The following HIPK2 variants were observed in gnomAD, a reference collection of about 807,000 sequenced individuals.
HIPK2 encodes homeodomain-interacting protein kinase 2.
A neutral mutation model predicts 113.7 loss-of-function variants in HIPK2; 27 were observed. The ratio of observed to expected loss-of-function variants is 0.24; its 90% CI spans 0.17 to 0.33. The LOEUF (loss-of-function observed/expected upper bound fraction) is 0.33, where lower values mean the gene tolerates loss of function less well. HIPK2 is among the 10% of genes least tolerant of loss of function. The pLI is 1.00. For missense variants in HIPK2, 1,257 were observed against 1,588.0 expected (o/e 0.79, Z 3.54); for synonymous variants, 631 against 642.2 (o/e 0.98, Z 0.26).
intron 12 of HIPK2, among the ~76,000 whole-genome samples, chr7:139,592,881 A>C (rs909802499): frequency 2.6e-5 from 4 of 152,262 alleles, no homozygotes; most frequent in Admixed American, 6.5e-5. Context: ...AGAGTCCCCT[A>C]GTCCAACAGT....
chr7:139,649,887 C>T (rs947572368), intron 2 of HIPK2, among the ~76,000 whole-genome samples: 2 of 152,102 alleles, frequency 1.3e-5, no homozygotes, highest in African/African-American at 4.8e-5. Flanking sequence ...TGGAAGCAGA[C>T]AGGGGTAAGC....
intron 2 of HIPK2, among the ~76,000 whole-genome samples, chr7:139,682,437 T>G (rs1195384376): frequency 6.6e-6 from 1 of 152,166 alleles, no homozygotes; most frequent in Non-Finnish European, 1.5e-5. Flanking sequence ...TTGAGGCACC[T>G]AGGACAGAGA....
chr7:139,607,772 G>T (rs1799669900), intron 9 of HIPK2, among the ~76,000 whole-genome samples: 1 of 152,018 alleles, frequency 6.6e-6, no homozygotes, highest in African/African-American at 2.4e-5. Context: ...GAACAGGAGA[G>T]AAATTGTGTG....
At chr7:139,736,040 G>A (rs1374722306) in intron 1 of HIPK2, among the ~76,000 whole-genome samples, 4 of 152,168 alleles carry the variant, frequency 2.6e-5, no homozygotes, top group African/African-American at 9.7e-5. Flanking sequence ...TTGGTGCCTA[G>A]TTTCGATTTT....
intron 2 of HIPK2, among the ~76,000 whole-genome samples, chr7:139,671,144 G>A (rs1345331763): frequency 6.6e-6 from 1 of 151,786 alleles, no homozygotes; most frequent in Non-Finnish European, 1.5e-5. Context: ...CTCCACAACT[G>A]GAAACAATGA....
chr7:139,697,201 C>T (rs1274375116), intron 2 of HIPK2, among the ~76,000 whole-genome samples: 2 of 152,222 alleles, frequency 1.3e-5, no homozygotes, highest in African/African-American at 4.8e-5. Context: ...GCTGTGCACA[C>T]TACACCTGTT....
rs575892062 is a variant in HIPK2, at chr7:139,582,391, G to C, written c.2965+1426C>G. ...CGAGAGAGCACAGCGCGAGCTGCGT[G>C]CTGCTTGTGTGTCTTTCTCGCTGTA... On this transcript the variant is annotated intron_variant, in intron 13 of 14. Transcript: ENST00000406875. Among the ~76,000 whole-genome samples, 170 of 152,340 alleles carry C rather than the reference G, an allele frequency of 1.1e-3. 1 individual carries two copies. The Middle Eastern group carries it at 0.014, about 12-fold the overall frequency.
intron 14 of HIPK2, among the ~76,000 whole-genome samples, chr7:139,574,447 C>T (rs895357006): frequency 1.3e-5 from 2 of 152,210 alleles, no homozygotes; most frequent in African/African-American, 4.8e-5. Context: ...TAGCCCTCTT[C>T]TACCTGGTGA....
intron 2 of HIPK2, among the ~76,000 whole-genome samples, chr7:139,677,193 G>T (rs927783853): frequency 6.7e-6 from 1 of 149,296 alleles, no homozygotes; most frequent in Non-Finnish European, 1.5e-5. Flanking sequence ...GGATGTGTGT[G>T]TATGTGTGTG....
intron 2 of HIPK2, among the ~76,000 whole-genome samples, chr7:139,713,115 G>A (rs992166154): frequency 6.6e-6 from 1 of 152,144 alleles, no homozygotes; most frequent in Non-Finnish European, 1.5e-5. Flanking sequence ...GGGTCCTTCA[G>A]AGGGATGTGG....
intron 2 of HIPK2, among the ~76,000 whole-genome samples, chr7:139,694,351 T>TCAGAGTGATTTCTGTCTAATTTTCTGC (rs1554445810): frequency 6.6e-6 from 1 of 152,190 alleles, no homozygotes; most frequent in Non-Finnish European, 1.5e-5. Context: ...AGCCCAGTGA[T>TCAGAGTGATTTCTGTCTAATTTTCTGC]AGATACCCAT....
At chr7:139,639,214 G>A (rs995633093) in intron 2 of HIPK2, among the ~76,000 whole-genome samples, 9 of 152,152 alleles carry the variant, frequency 5.9e-5, no homozygotes, top group Admixed American at 5.9e-4. Context: ...CCCCTGCTCT[G>A]CTAGTCTATA....
chr7:139,677,225 G>A (rs1378859516), intron 2 of HIPK2, among the ~76,000 whole-genome samples: 1 of 148,118 alleles, frequency 6.8e-6, no homozygotes, highest in Non-Finnish European at 1.5e-5. Context: ...AGAGAGAGAG[G>A]GGCTGATATT....
chr7:139,584,158 A>C (rs1313832122), intron 12 of HIPK2, 94 bp from the exon 13 acceptor site: 1 of 1,484,386 alleles, frequency 6.7e-7, no homozygotes, highest in Non-Finnish European at 9.0e-7. Context: ...GGAGGGAGGC[A>C]GAGGGGAGAG....
At position 139,562,934 on chromosome 7, in the gene HIPK2, T is replaced by C. The variant is rs1367395848; in HGVS notation, c.*9993A>G. Reference sequence around the variant, plus strand: ...AATTCTGCTGCCCCAAAGTATGACTTTCTTGTCTATTTCATTTGGTTAAAA... The same window carrying C: ...AATTCTGCTGCCCCAAAGTATGACTCTCTTGTCTATTTCATTTGGTTAAAA... On this transcript the variant is annotated 3_prime_UTR_variant, in exon 15 of 15. Coordinates refer to ENST00000406875, the MANE Select transcript of HIPK2 (RefSeq NM_022740.5). 6.6e-6 allele frequency: 1 copy of C among 152,242 alleles called. No homozygotes were observed. The highest frequency in any genetic ancestry group is 6.5e-5 in the Admixed American group (1 of 15,292). The allele number at this position is 152,242 out of a possible 1,614,324, so 9.4% of individuals were successfully genotyped here. A position where few individuals can be genotyped will look rare whatever the true frequency, so the allele number is the denominator to read the frequency against.
intron 2 of HIPK2, among the ~76,000 whole-genome samples, chr7:139,656,256 T>C (rs1447547825): frequency 1.3e-5 from 2 of 152,114 alleles, no homozygotes; most frequent in African/African-American, 2.4e-5. Context: ...GTATCTCTAA[T>C]TGGATGCCTC....
chr7:139,771,708 A>G (rs1302893060), intron 1 of HIPK2, among the ~76,000 whole-genome samples: 1 of 152,180 alleles, frequency 6.6e-6, no homozygotes, highest in Non-Finnish European at 1.5e-5. Flanking sequence ...ATTATTAAAG[A>G]GCTGTATTCA....
intron 1 of HIPK2, chr7:139,776,956 G>C (rs1796772611): frequency 1.3e-5 from 2 of 152,178 alleles, no homozygotes. Context: ...GACCCAGACC[G>C]AGCCAGAAAA....
intron 1 of HIPK2, among the ~76,000 whole-genome samples, chr7:139,776,381 T>A (rs899165975): frequency 6.6e-6 from 1 of 152,232 alleles, no homozygotes; most frequent in Admixed American, 6.5e-5. Flanking sequence ...CCTAATTCAT[T>A]TGGAGCCCTG....
Sources: gnomAD v4.1 joint callset for allele counts (sites outside exome capture counted in the v4.1 genomes callset) on GRCh38, gnomAD v4.1.1 for gene constraint, MANE v1.5 for transcripts, NCBI Gene and HGNC (gene_info 2026-07-23, HGNC 2026-07-21) for gene names.